Variants in SLC67A1 observed in about 807,000 individuals in gnomAD.
SLC67A1 encodes solute carrier family 67 member 1.
the SLC67A1 span, among the ~76,000 whole-genome samples, chr11:2,913,229 C>T: frequency 2.0e-5 from 3 of 152,142 alleles, no homozygotes; most frequent in African/African-American, 4.8e-5. Context: ...TGCCTTAGTT[C>T]GTGTACCTCG....
At chr11:2,925,001 A>T in the SLC67A1 span, 7 of 1,599,606 alleles carry the variant, frequency 4.4e-6, no homozygotes, top group Non-Finnish European at 6.0e-6. This position sits in a 1 kb window ranked among gnomAD's most constrained non-coding sequence, Gnocchi z 6.5. Flanking sequence ...ACCCCCATGC[A>T]CCCCCCAGGG....
chr11:2,902,824 T>C, the SLC67A1 span: 8,377 of 835,518 alleles, frequency 0.01, 67 homozygotes, highest in Non-Finnish European at 0.011. Context: ...CAGGGGAAGG[T>C]AGACCTTCCC....
At chr11:2,919,049 G>T in the SLC67A1 span, 1 of 511,236 alleles carries the variant, frequency 2.0e-6, no homozygotes, top group Non-Finnish European at 3.6e-6. Context: ...GGTCAGCCCT[G>T]GGTCCCTCCC....
the SLC67A1 span, chr11:2,921,922 A>G: frequency 1.6e-6 from 1 of 635,574 alleles, no homozygotes; most frequent in East Asian, 2.7e-5. Context: ...TGACGCAGTC[A>G]CTGCTGGCGG....
chr11:2,922,171 G>T, the SLC67A1 span: 3 of 1,613,544 alleles, frequency 1.9e-6, no homozygotes, highest in African/African-American at 2.7e-5. Context: ...CCGGGCCAGC[G>T]TGCTGGTCTT....
chr11:2,914,689 T>C, the SLC67A1 span: 1 of 985,204 alleles, frequency 1.0e-6, no homozygotes, highest in Admixed American at 6.1e-5. Context: ...CATGCCTTGC[T>C]TGTCACCAGC....
chr11:2,899,748 C>T, the SLC67A1 span: 1 of 1,441,548 alleles, frequency 6.9e-7, no homozygotes, highest in Non-Finnish European at 9.1e-7. Flanking sequence ...CTCCGATTTC[C>T]TCTGCTCAAC....
chr11:2,904,739 C>T, the SLC67A1 span, among the ~76,000 whole-genome samples: 1 of 152,214 alleles, frequency 6.6e-6, no homozygotes, highest in South Asian at 2.1e-4. Context: ...GGGGTCCACA[C>T]GCACAGGGGC....
chr11:2,916,654 C>A, the SLC67A1 span: 1 of 1,612,576 alleles, frequency 6.2e-7, no homozygotes, highest in Non-Finnish European at 8.5e-7. Flanking sequence ...GCTGCCCTGG[C>A]CACCCTCCTG....
chr11:2,904,089 C>T, the SLC67A1 span, among the ~76,000 whole-genome samples: 257 of 152,288 alleles, frequency 1.7e-3, 1 homozygote, highest in Middle Eastern at 0.01. Context: ...TAGTCTATAC[C>T]ACAGTGTGTG....
chr11:2,901,279 T>C, the SLC67A1 span, among the ~76,000 whole-genome samples: 3 of 152,356 alleles, frequency 2.0e-5, no homozygotes, highest in Non-Finnish European at 4.4e-5. Flanking sequence ...TGGAATGGCT[T>C]AGCCAGCCGG....
At chr11:2,921,978 T>G in the SLC67A1 span, 1 of 736,056 alleles carries the variant, frequency 1.4e-6, no homozygotes, top group African/African-American at 1.7e-5. Flanking sequence ...GGGCCTTCTC[T>G]GCAGAGGGGC....
chr11:2,921,912 T>G, the SLC67A1 span: 6 of 622,244 alleles, frequency 9.6e-6, no homozygotes, highest in Non-Finnish European at 1.2e-5. Context: ...AGACCCATCC[T>G]GACGCAGTCA....
the SLC67A1 span, among the ~76,000 whole-genome samples, chr11:2,923,973 T>A: frequency 6.6e-6 from 1 of 152,164 alleles, no homozygotes; most frequent in Non-Finnish European, 1.5e-5. This position sits in a 1 kb window ranked among gnomAD's most constrained non-coding sequence, Gnocchi z 6.5. Flanking sequence ...TCATCACAGC[T>A]GACCAGCCCT....
the SLC67A1 span, among the ~76,000 whole-genome samples, chr11:2,900,712 A>C: frequency 6.6e-6 from 1 of 150,816 alleles, no homozygotes; most frequent in Non-Finnish European, 1.5e-5. Flanking sequence ...AAAAAAAAAA[A>C]AAAAAGATAT....
chr11:2,900,130 C>G, the SLC67A1 span, among the ~76,000 whole-genome samples: 1 of 151,664 alleles, frequency 6.6e-6, no homozygotes, highest in African/African-American at 2.4e-5. Flanking sequence ...GACCTGGGCT[C>G]TCGGCTTGAC....
At chr11:2,922,580 C>G in the SLC67A1 span, 1 of 1,603,816 alleles carries the variant, frequency 6.2e-7, no homozygotes, top group East Asian at 2.2e-5. Flanking sequence ...GCGAGTGGAG[C>G]AGCCTCCTCC....
At chr11:2,909,239 T>G in the SLC67A1 span, 93 of 1,539,432 alleles carry the variant, frequency 6.0e-5, no homozygotes, top group Middle Eastern at 1.5e-3. Flanking sequence ...CACGCTCTCC[T>G]TCCTGGCTGC....
the SLC67A1 span, chr11:2,917,027 C>CCCAGACAGGGAAGGCGT: frequency 3.6e-4 from 154 of 429,890 alleles, 2 homozygotes; most frequent in Middle Eastern, 6.2e-4. Context: ...AGGGAAGGTG[C>CCCAGACAGGGAAGGCGT]TAGGAGGGGA....
Sources: gnomAD v4.1 joint callset for allele counts (sites outside exome capture counted in the v4.1 genomes callset) on GRCh38, gnomAD v4.1.1 for gene constraint, Gnocchi (gnomAD v3.1) non-coding constraint, MANE v1.5 for transcripts, NCBI Gene and HGNC (gene_info 2026-07-23, HGNC 2026-07-21) for gene names.